Variants in ROBO2 observed in about 807,000 individuals in gnomAD.
The protein encoded by ROBO2 is roundabout homolog 2.
A neutral mutation model predicts 160.8 loss-of-function variants in ROBO2; 53 were observed. The observed-to-expected ratio is 0.33, with a 90% confidence interval of 0.26 to 0.41. The LOEUF (loss-of-function observed/expected upper bound fraction) is 0.41, where lower values mean the gene tolerates loss of function less well. Among genes scored for constraint, ROBO2 ranks in the 10% least tolerant of loss-of-function variants. The probability of loss-of-function intolerance (pLI) is 1.00; values close to 1 mark genes in which losing one functional copy is unlikely to be tolerated. For synonymous variants in ROBO2, 664 were observed against 611.7 expected (o/e 1.09, Z -1.26); for missense variants, 1,577 against 1,722.4 (o/e 0.92, Z 1.49).
At chr3:76,967,219 C>T (rs2059343436) in intron 2 of ROBO2, among the ~76,000 whole-genome samples, 1 of 151,166 alleles carries the variant, frequency 6.6e-6, no homozygotes, top group African/African-American at 2.4e-5. Flanking sequence ...TTGTCTAATT[C>T]CAAAATGTGC....
At chr3:77,442,274 T>C (rs1213044505) in intron 2 of ROBO2, among the ~76,000 whole-genome samples, 1 of 151,284 alleles carries the variant, frequency 6.6e-6, no homozygotes, top group Non-Finnish European at 1.5e-5. Context: ...ATCGCGCCAC[T>C]GAACTCCAGC....
intron 2 of ROBO2, among the ~76,000 whole-genome samples, chr3:76,886,483 G>T (rs917959416): frequency 2.6e-5 from 4 of 152,006 alleles, no homozygotes; most frequent in Non-Finnish European, 1.5e-5. Flanking sequence ...TCTGATACCC[G>T]GAGCCAAGTC....
intron 2 of ROBO2, among the ~76,000 whole-genome samples, chr3:76,547,519 A>G (rs934738377): frequency 6.6e-6 from 1 of 152,046 alleles, no homozygotes; most frequent in African/African-American, 2.4e-5. Context: ...GAAAGCATTA[A>G]ACTCATACTG....
At chr3:77,250,770 A>G (rs1267731502) in intron 2 of ROBO2, among the ~76,000 whole-genome samples, 1 of 152,140 alleles carries the variant, frequency 6.6e-6, no homozygotes, top group Non-Finnish European at 1.5e-5. Flanking sequence ...ACAAGCTCAC[A>G]TGAGAGATGG....
chr3:77,243,589 T>C (rs2089333985), intron 2 of ROBO2, among the ~76,000 whole-genome samples: 2 of 152,180 alleles, frequency 1.3e-5, no homozygotes, highest in African/African-American at 4.8e-5. Context: ...CCATTTTTCT[T>C]GGGAGATGCA....
intron 2 of ROBO2, among the ~76,000 whole-genome samples, chr3:76,846,710 C>A (rs181774645): frequency 9.2e-5 from 14 of 152,186 alleles, no homozygotes; most frequent in African/African-American, 2.9e-4. Flanking sequence ...AACTCACAAA[C>A]TATTTAGTTT....
intron 2 of ROBO2, among the ~76,000 whole-genome samples, chr3:76,882,518 CT>C (rs574337012): frequency 1.5e-4 from 22 of 148,366 alleles, no homozygotes; most frequent in East Asian, 9.9e-4. Context: ...TTTAAAAACA[CT>C]TTTTTTTTTC....
At chr3:76,335,476 C>A (rs899743286) in intron 2 of ROBO2, among the ~76,000 whole-genome samples, 2 of 152,000 alleles carry the variant, frequency 1.3e-5, no homozygotes, top group African/African-American at 4.8e-5. Flanking sequence ...GCCACCACAC[C>A]CAGCCTTCTG....
At chr3:77,477,972 G>A (rs2153585864) in intron 3 of ROBO2, among the ~76,000 whole-genome samples, 1 of 151,400 alleles carries the variant, frequency 6.6e-6, no homozygotes, top group Non-Finnish European at 1.5e-5. Flanking sequence ...GACTACAGGT[G>A]TGCGCCACCA....
chr3:76,441,413 T>C (rs546150684), intron 2 of ROBO2, among the ~76,000 whole-genome samples: 1 of 152,276 alleles, frequency 6.6e-6, no homozygotes, highest in Admixed American at 6.5e-5. Context: ...AAGAAACTGT[T>C]GGTCGAAAGA....
At chr3:76,153,888 A>G (rs560748843) in intron 2 of ROBO2, among the ~76,000 whole-genome samples, 2 of 152,120 alleles carry the variant, frequency 1.3e-5, no homozygotes, top group Non-Finnish European at 2.9e-5. Flanking sequence ...TAGCCCCAAC[A>G]CAACTGCAGA....
At chr3:76,465,996 T>TGGGG (rs754071545) in intron 2 of ROBO2, among the ~76,000 whole-genome samples, 1 of 77,400 alleles carries the variant, frequency 1.3e-5, no homozygotes, top group South Asian at 6.1e-4. Flanking sequence ...GGATAAAATA[T>TGGGG]GGGTGTGTGT....
At chr3:76,302,666 T>C (rs990027650) in intron 2 of ROBO2, among the ~76,000 whole-genome samples, 4 of 152,134 alleles carry the variant, frequency 2.6e-5, no homozygotes, top group Non-Finnish European at 5.9e-5. Context: ...CTAGAGTATC[T>C]AGTCCACTAA....
intron 2 of ROBO2, among the ~76,000 whole-genome samples, chr3:77,252,659 T>A (rs2090467308): frequency 1.3e-5 from 2 of 150,020 alleles, no homozygotes; most frequent in Admixed American, 6.7e-5. Context: ...TACAAAAAAA[T>A]TAGCTGGGCG....
intron 2 of ROBO2, among the ~76,000 whole-genome samples, chr3:76,987,959 A>G (rs2060474707): frequency 6.6e-6 from 1 of 152,160 alleles, no homozygotes; most frequent in Admixed American, 6.6e-5. Context: ...ATCTATAAAG[A>G]TCATTTGTCA....
chr3:77,536,239 T>C (rs1227240623), intron 6 of ROBO2, among the ~76,000 whole-genome samples: 3 of 152,168 alleles, frequency 2.0e-5, no homozygotes, highest in Admixed American at 6.5e-5. Flanking sequence ...AAGAAGCAGG[T>C]GGGGGGAATG....
rs768939761 is a variant in ROBO2 at position 77,493,231 on chromosome 3, T to A, written c.668-13T>A. 4.3e-6 allele frequency: 7 copies of A among 1,610,462 alleles called. No homozygotes were observed. The highest frequency in any genetic ancestry group is 5.9e-6 in the Non-Finnish European group (7 of 1,177,310). On this transcript the variant is annotated splice_polypyrimidine_tract_variant and intron_variant, in intron 4 of 25. Coordinates refer to ENST00000461745, the Ensembl canonical transcript of ROBO2. ...TTATCTCATTTTACCATTGTTTCAT[T>A]TTTTTTTTCAAGAACGACCCACATT...
intron 2 of ROBO2, among the ~76,000 whole-genome samples, chr3:76,745,538 A>G (rs2093871109): frequency 6.6e-6 from 1 of 152,150 alleles, no homozygotes; most frequent in African/African-American, 2.4e-5. Flanking sequence ...GCTGTTAGAA[A>G]ATAATTTTGC....
chr3:76,719,323 C>A (rs1302503740), intron 2 of ROBO2, among the ~76,000 whole-genome samples: 2 of 152,244 alleles, frequency 1.3e-5, no homozygotes, highest in Middle Eastern at 3.4e-3. Flanking sequence ...ATTCATGTTG[C>A]CACACACAAA....
Sources: allele counts gnomAD v4.1 joint callset (sites outside exome capture counted in the v4.1 genomes callset), GRCh38; gene constraint gnomAD v4.1.1; transcripts MANE v1.5; gene names NCBI Gene and HGNC (gene_info 2026-07-23, HGNC 2026-07-21).